Variants in KLHL26 observed in about 807,000 individuals in gnomAD.
KLHL26 encodes kelch like family member 26.
KLHL26 carries 4 observed loss-of-function variants against 7.1 expected under a neutral mutation model. That is an observed-to-expected ratio of 0.56 (90% CI 0.28 to 1.28). KLHL26 has a LOEUF of 1.28. Among genes scored for constraint, KLHL26 ranks in the 50% most tolerant of loss-of-function variants. The pLI, the probability that KLHL26 is intolerant of heterozygous loss-of-function variation, is 0.11. For missense variants in KLHL26, 896 were observed against 924.6 expected, an observed-to-expected ratio of 0.97 and a Z score of 0.40; for synonymous variants, 465 against 414.1, an observed-to-expected ratio of 1.12 and a Z score of -1.49.
rs188896810 is a variant in KLHL26 at position 18,666,605 on chromosome 19, C to T, written c.267-1059C>T. On this transcript the variant is annotated intron_variant, in intron 2 of 2. Coordinates refer to ENST00000300976, the MANE Select transcript of KLHL26 (RefSeq NM_018316.3). ...TCATGTTCTGCCTCGCAGAGCACAG[C>T]AGTACAAGGGCGGAGCTGGGGTCTC... is the stretch of plus-strand genomic sequence containing the variant. 4.0e-3 allele frequency among the ~76,000 whole-genome samples: 602 copies of T among 152,266 alleles called. 5 individuals are homozygous for T. Among genetic ancestry groups the T allele is most frequent in the African/African-American group, 0.014 (570 of 41,554 alleles).
At chr19:18,655,601 C>A (rs2052321646) in intron 1 of KLHL26, among the ~76,000 whole-genome samples, 1 of 142,262 alleles carries the variant, frequency 7.0e-6, no homozygotes, top group African/African-American at 2.6e-5. Flanking sequence ...ACTGCACAGA[C>A]TGGGTGCTCC....
rs1233961830 is a variant in KLHL26 at position 18,646,493 on chromosome 19, G to C, written c.83+9356G>C. Among the ~76,000 whole-genome samples the C allele has an allele frequency of 1.3e-5, 2 of 152,218 alleles. No individual in the cohort carries two copies. Among genetic ancestry groups the C allele is most frequent in the African/African-American group, 2.4e-5 (1 of 41,452 alleles). On this transcript the variant is annotated intron_variant, in intron 1 of 2. Coordinates refer to ENST00000300976, the MANE Select transcript of KLHL26 (RefSeq NM_018316.3). The surrounding 1 kb of genome is among the most constrained non-coding windows in gnomAD (Gnocchi z 5.0). ...CTCAAGTCCTTCTCCTGGAAAATGT[G>C]GTCAGATATGGCGGCATGAGGTGTC...
rs1258769117 is a variant in KLHL26, at chr19:18,669,283, T to G, written c.*38T>G. ...CCGGGACCCTGGCCTGACCGCATGT[T>G]GTCTCCAAGTGGGGCTTGGCGAATG... On this transcript the variant is annotated 3_prime_UTR_variant, in exon 3 of 3. Coordinates refer to ENST00000300976, the MANE Select transcript of KLHL26 (RefSeq NM_018316.3). 1 of 1,516,608 alleles carries G rather than the reference T, an allele frequency of 6.6e-7. No homozygotes were observed. Among genetic ancestry groups the G allele is most frequent in the Non-Finnish European group, 9.0e-7 (1 of 1,112,740 alleles). The allele number at this position is 1,516,608 out of a possible 1,614,324, so 93.9% of individuals were successfully genotyped here. A position where few individuals can be genotyped will look rare whatever the true frequency, so the allele number is the denominator to read the frequency against.
chr19:18,645,208 G>T (rs548527217), intron 1 of KLHL26, among the ~76,000 whole-genome samples: 4 of 152,158 alleles, frequency 2.6e-5, no homozygotes, highest in Non-Finnish European at 4.4e-5. Flanking sequence ...AGCTCGGGCC[G>T]CGGGGTCTAG....
At chr19:18,663,734 G>A (rs548454372) in intron 1 of KLHL26, among the ~76,000 whole-genome samples, 32 of 146,924 alleles carry the variant, frequency 2.2e-4, no homozygotes, top group Non-Finnish European at 4.2e-4. Context: ...CCGTTCAACA[G>A]TTTCCCCAAA....
chr19:18,652,295 T>A (rs573577581), intron 1 of KLHL26, among the ~76,000 whole-genome samples: 4 of 151,598 alleles, frequency 2.6e-5, no homozygotes, highest in African/African-American at 9.7e-5. Context: ...AAGATAAGAG[T>A]TGGGCTCCAG....
In KLHL26 at chr19:18,670,330, AT is replaced by A. The variant is rs2052515125; in HGVS notation, c.*1086del. 1 of 151,148 alleles carries A rather than the reference AT, an allele frequency of 6.6e-6. No individual in the cohort carries two copies. The highest frequency in any genetic ancestry group is 2.4e-5 in the African/African-American group (1 of 41,190). The allele number at this position is 151,148 out of a possible 1,614,324, so 9.4% of individuals were successfully genotyped here. The stretch of plus-strand genomic sequence containing the variant: ...AGAAGCCAGCACTGCTGTCTCATAG[AT>A]GGGATTTGTACTCTTGGGGCAACTT... On this transcript the variant is annotated 3_prime_UTR_variant, in exon 3 of 3. Coordinates refer to ENST00000300976, the MANE Select transcript of KLHL26 (RefSeq NM_018316.3).
Position 18,669,398 on chromosome 19 carries a change from C to T in KLHL26, c.*153C>T, listed in dbSNP as rs2052502178. The T allele has an allele frequency of 4.9e-6, 3 of 615,194 alleles. No individual in the cohort carries two copies. The highest frequency in any genetic ancestry group is 3.9e-5 in the South Asian group (2 of 51,118). 38.1% of individuals were successfully genotyped at this position (615,194 alleles called of 1,614,324 possible). On this transcript the variant is annotated 3_prime_UTR_variant, in exon 3 of 3. Coordinates refer to ENST00000300976, the MANE Select transcript of KLHL26 (RefSeq NM_018316.3). ...TGATAAGCCCCCCTCCCAGGGGTCC[C>T]TCCCTCCCTCCTTCCCAAAGCAGAT... is the stretch of plus-strand genomic sequence containing the variant.
At chr19:18,644,914 G>A (rs1389284754) in intron 1 of KLHL26, among the ~76,000 whole-genome samples, 1 of 152,130 alleles carries the variant, frequency 6.6e-6, no homozygotes, top group African/African-American at 2.4e-5. Context: ...AGGAGGGACT[G>A]CGCTCCCCCA....
At position 18,667,677 on chromosome 19, in the gene KLHL26, G is replaced by A. The variant is rs750156278; in HGVS notation, c.280G>A (p.Gly94Ser). 9 of 1,611,140 alleles carry A rather than the reference G, an allele frequency of 5.6e-6. No homozygotes were observed. The highest frequency in any genetic ancestry group is 4.5e-5 in the East Asian group (2 of 44,868). ...CSDYFRAMFT[G>S]GMREASQDVI... The stretch of plus-strand genomic sequence containing the variant: ...TCTGCCCTTCAGGGCCATGTTCACC[G>A]GCGGCATGCGGGAGGCAAGCCAGGA... The change falls in exon 3 of 3, where the codon GGC becomes AGC. Residue 94 changes from glycine (G) to serine (S), a missense_variant. Gly to Ser is a moderately conservative substitution (Grantham distance 56). Coordinates refer to ENST00000300976, the MANE Select transcript of KLHL26 (RefSeq NM_018316.3).
At chr19:18,642,731 T>A (rs1976736890) in intron 1 of KLHL26, among the ~76,000 whole-genome samples, 1 of 151,914 alleles carries the variant, frequency 6.6e-6, no homozygotes, top group Non-Finnish European at 1.5e-5. Context: ...CATGCTGGCA[T>A]GCAGTGTCGT....
chr19:18,666,428 G>A (rs534400823), intron 2 of KLHL26, among the ~76,000 whole-genome samples: 10 of 152,286 alleles, frequency 6.6e-5, no homozygotes, highest in Middle Eastern at 3.4e-3. Context: ...ATGCCATTGC[G>A]CCTCCTGGAA....
At chr19:18,653,028 CTTTTT>C (rs1191929173) in intron 1 of KLHL26, among the ~76,000 whole-genome samples, 7 of 152,100 alleles carry the variant, frequency 4.6e-5, no homozygotes, top group Non-Finnish European at 8.8e-5. Flanking sequence ...TGCACAGGTG[CTTTTT>C]GGCCTTTTCA....
At chr19:18,667,498 C>G in intron 2 of KLHL26, 166 bp from the exon 3 acceptor site, 2 of 1,251,368 alleles carry the variant, frequency 1.6e-6, no homozygotes, top group South Asian at 3.1e-5. Flanking sequence ...GCCACCGCGC[C>G]CGGCCCCTTT....
In KLHL26 at chr19:18,649,547, G is replaced by A. The variant is rs1276859024; in HGVS notation, c.83+12410G>A. On this transcript the variant is annotated intron_variant, in intron 1 of 2. Coordinates refer to ENST00000300976, the MANE Select transcript of KLHL26 (RefSeq NM_018316.3). The surrounding 1 kb of genome is among the most constrained non-coding windows in gnomAD (Gnocchi z 4.0). ...CCGTTTTGCGTGTGCTGTCTTTAGT[G>A]AGTGAGCAAAACCTCAGCCCTGCAT... Among the ~76,000 whole-genome samples, 1 of 152,210 alleles carries A rather than the reference G, an allele frequency of 6.6e-6. No homozygotes were observed. Among genetic ancestry groups the A allele is most frequent in the Non-Finnish European group, 1.5e-5 (1 of 68,026 alleles).
rs1391415024 is a variant in KLHL26, at chr19:18,668,589, G to A, written c.1192G>A (p.Ala398Thr). The A allele has an allele frequency of 6.3e-7, 1 of 1,590,498 alleles. No individual in the cohort carries two copies. Among genetic ancestry groups the A allele is most frequent in the Non-Finnish European group, 8.5e-7 (1 of 1,173,918 alleles). ...CCTGAATCGCTGGCTGCGCCTGCAG[G>A]CCATGCAGGAAAGCCGCATCCAGTT... ...PHLNRWLRLQ[A>T]MQESRIQFQL... Residue 398 changes from alanine to threonine, a missense_variant, in exon 3 of 3, where the codon GCC (alanine) becomes ACC (threonine). Coordinates refer to ENST00000300976, the MANE Select transcript of KLHL26 (RefSeq NM_018316.3).
At chr19:18,652,408 G>T (rs2052270086) in intron 1 of KLHL26, among the ~76,000 whole-genome samples, 1 of 152,018 alleles carries the variant, frequency 6.6e-6, no homozygotes, top group Non-Finnish European at 1.5e-5. Context: ...TGGTCAATGT[G>T]ATGAAACCTC....
chr19:18,659,914 C>T (rs922037277), intron 1 of KLHL26: 1 of 152,390 alleles, frequency 6.6e-6, no homozygotes, highest in African/African-American at 2.4e-5. Flanking sequence ...TGACCTCCCC[C>T]ACGAGGCCAT....
At position 18,669,451 on chromosome 19, in the gene KLHL26, C is replaced by T; in HGVS notation, c.*206C>T. ...TGGCTGCGAGTCCATCCGAGGGAGC[C>T]TGCCGGCAAAGCGTCTGACATGTGG... On this transcript the variant is annotated 3_prime_UTR_variant, in exon 3 of 3. Transcript: ENST00000300976. 1 of 587,260 alleles carries T rather than the reference C, an allele frequency of 1.7e-6. No individual in the cohort carries two copies. The highest frequency in any genetic ancestry group is 3.0e-6 in the Non-Finnish European group (1 of 331,876). 36.4% of individuals were successfully genotyped at this position (587,260 alleles called of 1,614,324 possible).
Sources: allele counts gnomAD v4.1 joint callset (sites outside exome capture counted in the v4.1 genomes callset), GRCh38; gene constraint gnomAD v4.1.1; non-coding constraint Gnocchi (gnomAD v3.1); transcripts MANE v1.5; gene names NCBI Gene and HGNC (gene_info 2026-07-23, HGNC 2026-07-21).